Variants in ADCY5 observed in about 807,000 individuals in gnomAD.
ADCY5 encodes adenylate cyclase type 5.
Under a neutral mutation model 119.7 loss-of-function variants are expected in ADCY5, and 30 were observed. The ratio of observed to expected loss-of-function variants is 0.25; its 90% CI spans 0.19 to 0.34. The LOEUF (loss-of-function observed/expected upper bound fraction) is 0.34, where lower values mean the gene tolerates loss of function less well. Among genes scored for constraint, ADCY5 ranks in the 10% least tolerant of loss-of-function variants. ADCY5 has a pLI of 1.00. For synonymous variants in ADCY5, 753 were observed against 762.2 expected (o/e 0.99, Z 0.20); for missense variants, 1,324 against 1,775.2 (o/e 0.75, Z 4.57).
intron 1 of ADCY5, among the ~76,000 whole-genome samples, chr3:123,428,759 T>C (rs1945462302): frequency 6.6e-6 from 1 of 151,660 alleles, no homozygotes; most frequent in Non-Finnish European, 1.5e-5. Flanking sequence ...TTGCGGGGGG[T>C]GCCTATTTGG....
intron 1 of ADCY5, among the ~76,000 whole-genome samples, chr3:123,399,090 C>T (rs1944683799): frequency 6.6e-6 from 1 of 152,184 alleles, no homozygotes; most frequent in South Asian, 2.1e-4. Flanking sequence ...TCTAAGGGTT[C>T]CAAGGCAAGC....
At chr3:123,341,234 G>A (rs1183524924) in intron 3 of ADCY5, among the ~76,000 whole-genome samples, 3 of 152,120 alleles carry the variant, frequency 2.0e-5, no homozygotes, top group African/African-American at 7.2e-5. Flanking sequence ...GTCCATCAAT[G>A]GACACTTTGT....
At chr3:123,386,310 C>T (rs918434852) in intron 1 of ADCY5, among the ~76,000 whole-genome samples, 1 of 152,142 alleles carries the variant, frequency 6.6e-6, no homozygotes, top group Non-Finnish European at 1.5e-5. Flanking sequence ...CCAGGAGCCC[C>T]GAGGCCCAGT....
At chr3:123,358,628 C>G (rs1288264777) in intron 1 of ADCY5, among the ~76,000 whole-genome samples, 1 of 152,122 alleles carries the variant, frequency 6.6e-6, no homozygotes, top group Admixed American at 6.6e-5. Flanking sequence ...AAGTTTAAAA[C>G]AAGCCCTGCA....
chr3:123,293,755 A>T (rs1162685258), intron 17 of ADCY5, among the ~76,000 whole-genome samples: 3 of 152,148 alleles, frequency 2.0e-5, no homozygotes, highest in Non-Finnish European at 2.9e-5. Context: ...ATTATTAAAA[A>T]CAGATCTGTA....
At chr3:123,293,042 C>T (rs1451495391) in intron 17 of ADCY5, among the ~76,000 whole-genome samples, 1 of 152,244 alleles carries the variant, frequency 6.6e-6, no homozygotes, top group Non-Finnish European at 1.5e-5. Flanking sequence ...GCAAACTCCA[C>T]CCCAGCACAG....
chr3:123,416,184 C>T (rs1945181206), intron 1 of ADCY5: 1 of 1,536,072 alleles, frequency 6.5e-7, no homozygotes, highest in Non-Finnish European at 8.7e-7. Flanking sequence ...TGACACTCAC[C>T]CTCCGTGGGG....
In ADCY5 at chr3:123,322,106, G is replaced by T. The variant is rs189320721; in HGVS notation, c.2089-1335C>A. On this transcript the variant is annotated intron_variant, in intron 8 of 20. Coordinates refer to ENST00000462833, the MANE Select transcript of ADCY5 (RefSeq NM_183357.3). ...AGTGAGCTCTCCCTCTGGGGGGCAGGCCCGTGCCTGATGCTCCCAGGATCC... is the reference window on the plus strand; with the variant it reads ...AGTGAGCTCTCCCTCTGGGGGGCAGTCCCGTGCCTGATGCTCCCAGGATCC... 5.6e-3 allele frequency among the ~76,000 whole-genome samples: 850 copies of T among 152,304 alleles called. 15 individuals are homozygous for T. Among genetic ancestry groups the T allele is most frequent in the African/African-American group, 0.019 (784 of 41,576 alleles).
At position 123,319,837 on chromosome 3, in the gene ADCY5, G is replaced by A. The variant is rs759887780; in HGVS notation, c.2112-19C>T. 6.6e-5 allele frequency: 106 copies of A among 1,610,784 alleles called. No homozygotes were observed. The highest frequency in any genetic ancestry group is 7.4e-5 in the Non-Finnish European group (87 of 1,177,528). Reference sequence around the variant, plus strand: ...GGCGTTCCTGGGGAGCAGAAGGCACGGGCGTGAGACAGGCTGACCACAGGG... The same window carrying A: ...GGCGTTCCTGGGGAGCAGAAGGCACAGGCGTGAGACAGGCTGACCACAGGG... On this transcript the variant is annotated intron_variant, in intron 9 of 20. Coordinates refer to ENST00000462833, the MANE Select transcript of ADCY5 (RefSeq NM_183357.3).
intron 1 of ADCY5, among the ~76,000 whole-genome samples, chr3:123,401,084 T>C (rs1053130385): frequency 5.3e-5 from 8 of 152,174 alleles, no homozygotes; most frequent in African/African-American, 2.4e-5. Flanking sequence ...AGCTAGAAGA[T>C]AATTCATTGT....
intron 3 of ADCY5, among the ~76,000 whole-genome samples, chr3:123,343,071 T>C (rs1367763817): frequency 6.6e-6 from 1 of 152,226 alleles, no homozygotes; most frequent in African/African-American, 2.4e-5. Flanking sequence ...AACAGAACAA[T>C]AGAGCAGTAC....
Position 123,325,363 on chromosome 3 carries a change from G to C in ADCY5, c.2047C>G (p.His683Asp). 1 of 1,614,158 alleles carries C rather than the reference G, an allele frequency of 6.2e-7. No individual in the cohort carries two copies. Among genetic ancestry groups the C allele is most frequent in the Middle Eastern group, 1.6e-4 (1 of 6,062 alleles). The stretch of plus-strand genomic sequence containing the variant: ...TTGGACACCTGGTTGCCACCCAGGT[G>C]GTTGTAGAAGGGGCGCTCAGCCCCC... Reference protein sequence around the residue: ...HWGAERPFYNHLGGNQVSKEM... With the variant: ...HWGAERPFYNDLGGNQVSKEM... The change falls in exon 8 of 21, where the codon CAC becomes GAC. Residue 683 changes from histidine (H) to aspartate (D), a missense_variant. His to Asp is a moderately conservative substitution (Grantham distance 81). Transcript: ENST00000462833.
At chr3:123,331,150 C>T (rs1368345108) in intron 4 of ADCY5, 134 bp from the exon 5 acceptor site, 11 of 926,130 alleles carry the variant, frequency 1.2e-5, no homozygotes, top group African/African-American at 3.3e-5. Flanking sequence ...AGGCCCACGC[C>T]GGAACTCGGC....
At chr3:123,374,556 C>T (rs1350232372) in intron 1 of ADCY5, among the ~76,000 whole-genome samples, 1 of 152,214 alleles carries the variant, frequency 6.6e-6, no homozygotes, top group Non-Finnish European at 1.5e-5. Context: ...AAGCAACTCG[C>T]TCCAGGCCAC....
intron 12 of ADCY5, 69 bp downstream of exon 12, chr3:123,314,166 G>A (rs1378763504): frequency 1.6e-5 from 22 of 1,355,894 alleles, no homozygotes; most frequent in Non-Finnish European, 2.2e-5. Flanking sequence ...TTGGGCCCCT[G>A]GGTAGGGCCC....
Position 123,318,056 on chromosome 3 carries a change from A to T in ADCY5, c.2318T>A (p.Leu773His). Reference protein sequence around the residue: ...AYVACASLVFLFICFVQITIV... With the variant: ...AYVACASLVFHFICFVQITIV... ...GGTGATCTGGACAAAGCAGATGAAG[A>T]GGAAGACGAGCGAGGCACACGCCAC... The change falls in exon 11 of 21, where the codon CTC becomes CAC. Residue 773 changes from leucine to histidine, a missense_variant. By Grantham distance (99) the Leu-to-His change is moderately conservative (BLOSUM62 -3). This residue lies in a region of ADCY5 where 424 missense variants were observed against 546.8 expected (regional missense o/e 0.78). Transcript: ENST00000462833. The T allele has an allele frequency of 6.2e-7, 1 of 1,613,982 alleles. No individual in the cohort carries two copies. Among genetic ancestry groups the T allele is most frequent in the Non-Finnish European group, 8.5e-7 (1 of 1,179,964 alleles).
chr3:123,298,388 C>G (rs56740560), intron 15 of ADCY5, among the ~76,000 whole-genome samples: 5,710 of 152,216 alleles, frequency 0.038, 353 homozygotes, highest in African/African-American at 0.13. Context: ...AGAGGAGATG[C>G]TGAGGATGGG....
chr3:123,348,085 G>GTGTGTGTGTGTGTGTGTGTGTC, intron 2 of ADCY5, among the ~76,000 whole-genome samples, 182 bp from the exon 3 acceptor site: 2 of 150,520 alleles, frequency 1.3e-5, no homozygotes, highest in African/African-American at 2.5e-5. Context: ...GTGTGTATGT[G>GTGTGTGTGTGTGTGTGTGTGTC]TGTGCAGGAT....
intron 12 of ADCY5, among the ~76,000 whole-genome samples, chr3:123,304,752 C>T (rs1352910440): frequency 6.6e-6 from 1 of 152,076 alleles, no homozygotes; most frequent in African/African-American, 2.4e-5. Context: ...CCTGCCATTT[C>T]CCTCATTCTC....
Sources: gnomAD v4.1 joint callset for allele counts (sites outside exome capture counted in the v4.1 genomes callset) on GRCh38, gnomAD v4.1.1 for gene constraint, gnomAD v4.1.1 regional missense constraint, MANE v1.5 for transcripts, NCBI Gene and HGNC (gene_info 2026-07-23, HGNC 2026-07-21) for gene names.